ZSWIM8: variants seen among roughly 807,000 people sequenced by gnomAD.
ZSWIM8 encodes zinc finger SWIM domain-containing protein 8.
Under a neutral mutation model 173.7 loss-of-function variants are expected in ZSWIM8, and 27 were observed. That is an observed-to-expected ratio of 0.16 (90% CI 0.11 to 0.21). The LOEUF is 0.21. Ranked by LOEUF, ZSWIM8 falls within the 10% of genes least tolerant of loss-of-function variation. The pLI is 1.00. For synonymous variants in ZSWIM8, 958 were observed against 962.0 expected (o/e 1.00, Z 0.08); for missense variants, 1,627 against 2,428.8 (o/e 0.67, Z 6.94).
At chr10:73,790,501 G>A (rs955745756) in intron 7 of ZSWIM8, among the ~76,000 whole-genome samples, 30 of 152,212 alleles carry the variant, frequency 2.0e-4, no homozygotes, top group Non-Finnish European at 7.3e-5. Flanking sequence ...CCTAGCAAGA[G>A]TTCCTTTTCT....
intron 1 of ZSWIM8, among the ~76,000 whole-genome samples, chr10:73,787,473 A>C (rs957661440): frequency 6.6e-6 from 1 of 152,174 alleles, no homozygotes; most frequent in Admixed American, 6.5e-5. Context: ...GATTGTTAAC[A>C]TATTGGTATC....
Position 73,801,698 on chromosome 10 carries a change from A to G in ZSWIM8, c.*179A>G, listed in dbSNP as rs1204208096. ...AAGATGTCTCACACCCTAGAAGCCT[A>G]GGGCTGGGGGAGACAGCCCTGTCTG... On this transcript the variant is annotated 3_prime_UTR_variant, in exon 26 of 26. Transcript: ENST00000604729. This position sits in a 1 kb window ranked among gnomAD's most constrained non-coding sequence, Gnocchi z 4.9. 1 of 1,533,358 alleles carries G rather than the reference A, an allele frequency of 6.5e-7. No homozygotes were observed. The highest frequency in any genetic ancestry group is 8.7e-7 in the Non-Finnish European group (1 of 1,145,836). The allele number at this position is 1,533,358 out of a possible 1,614,324, so 95.0% of individuals were successfully genotyped here. A position where few individuals can be genotyped will look rare whatever the true frequency, so the allele number is the denominator to read the frequency against.
chr10:73,793,806 A>C, intron 11 of ZSWIM8, 59 bp from the exon 12 acceptor site: 1 of 1,548,650 alleles, frequency 6.5e-7, no homozygotes, highest in Non-Finnish European at 8.7e-7. Flanking sequence ...GCATCCTTCT[A>C]CCTCCACCAA....
Position 73,785,724 on chromosome 10 carries a change from G to A in ZSWIM8, c.-155G>A, listed in dbSNP as rs1483828064. On this transcript the variant is annotated 5_prime_UTR_variant, in exon 1 of 26. Transcript: ENST00000604729. Reference sequence around the variant, plus strand: ...AGGCCCGGTCCCGTCTCTTTCCCAGGCCTGAGATTCTCGCCCGGCACGGCC... The same window carrying A: ...AGGCCCGGTCCCGTCTCTTTCCCAGACCTGAGATTCTCGCCCGGCACGGCC... The A allele has an allele frequency of 1.3e-6, 1 of 772,074 alleles. No individual in the cohort carries two copies. The allele number at this position is 772,074 out of a possible 1,614,324, so 47.8% of individuals were successfully genotyped here. A position where few individuals can be genotyped will look rare whatever the true frequency, so the allele number is the denominator to read the frequency against.
At chr10:73,787,587 C>G (rs186809526) in intron 1 of ZSWIM8, among the ~76,000 whole-genome samples, 1 of 152,148 alleles carries the variant, frequency 6.6e-6, no homozygotes, top group Non-Finnish European at 1.5e-5. Context: ...TGCGGTGGCT[C>G]GTGCCTGTAA....
rs907899289 is a variant in ZSWIM8 at position 73,798,461 on chromosome 10, T to C, written c.4176+8T>C. ...GTGCAGTGCAAGGAACAGGTATTTC[T>C]ACGGGCAATCTGGGAACCTCTTCTG... is the stretch of plus-strand genomic sequence containing the variant. On this transcript the variant is annotated splice_region_variant and intron_variant, in intron 20 of 25. Coordinates refer to ENST00000604729, the MANE Select transcript of ZSWIM8 (RefSeq NM_001367799.1). The C allele has an allele frequency of 6.2e-7, 1 of 1,608,982 alleles. No individual in the cohort carries two copies. The highest frequency in any genetic ancestry group is 1.3e-5 in the African/African-American group (1 of 74,980).
Position 73,792,489 on chromosome 10 carries a change from C to T in ZSWIM8, c.1950C>T (p.His650=), listed in dbSNP as rs370371569. The T allele has an allele frequency of 2.5e-5, 41 of 1,612,656 alleles. No homozygotes were observed. Among genetic ancestry groups the T allele is most frequent in the Admixed American group, 1.0e-4 (6 of 59,780 alleles). ...FPESPPPCPL[H]GGSRGPSTFL... ...AGAGCCCTCCACCCTGTCCTCTCCA[C>T]GGTGGCTCCCGAGGCCCTTCCACTT... is the stretch of plus-strand genomic sequence containing the variant. The change falls in exon 10 of 26, where the codon CAC becomes CAT. Residue 650 remains histidine, a synonymous_variant. Coordinates refer to ENST00000604729, the MANE Select transcript of ZSWIM8 (RefSeq NM_001367799.1). The surrounding 1 kb of genome is among the most constrained non-coding windows in gnomAD (Gnocchi z 4.3).
rs762975990 is a variant in ZSWIM8, at chr10:73,791,449, G to A, written c.1269G>A (p.Met423Ile). 6.2e-7 allele frequency: 1 copy of A among 1,613,350 alleles called. No homozygotes were observed. The highest frequency in any genetic ancestry group is 8.5e-7 in the Non-Finnish European group (1 of 1,179,430). The part of the protein sequence containing the change: ...AHACASMCDE[M>I]VTLWRLAVLD... ...CCTGTGCCAGCATGTGTGACGAGAT[G>A]GTCACACTGTGGAGGCTGGCCGTGC... Residue 423 changes from methionine to isoleucine, a missense_variant, in exon 9 of 26, where the codon ATG becomes ATA. Met to Ile is a conservative substitution (Grantham distance 10, BLOSUM62 1). Transcript: ENST00000604729. The surrounding 1 kb of genome is among the most constrained non-coding windows in gnomAD (Gnocchi z 6.0).
In ZSWIM8 at chr10:73,789,343, G is replaced by T; in HGVS notation, c.458-24G>T. The T allele has an allele frequency of 6.4e-7, 1 of 1,554,696 alleles. No individual in the cohort carries two copies. Among genetic ancestry groups the T allele is most frequent in the South Asian group, 1.2e-5 (1 of 80,912 alleles). On this transcript the variant is annotated intron_variant, in intron 3 of 25. Coordinates refer to ENST00000604729, the MANE Select transcript of ZSWIM8 (RefSeq NM_001367799.1). This position sits in a 1 kb window ranked among gnomAD's most constrained non-coding sequence, Gnocchi z 6.8. ...GACCCAGGTCCTGACAGCACTCCCT[G>T]ACCATGCCCCCATTTCTCCCCAGGG... is the stretch of plus-strand genomic sequence containing the variant.
chr10:73,794,136 T>C lies in ZSWIM8; in HGVS notation c.2626-11T>C. 3.1e-6 allele frequency: 5 copies of C among 1,613,836 alleles called. No homozygotes were observed. The highest frequency in any genetic ancestry group is 4.2e-6 in the Non-Finnish European group (5 of 1,179,790). The stretch of plus-strand genomic sequence containing the variant: ...CACACCAGAGGTCTGAGCTCCTTCC[T>C]GTGCCCTCAGGTGAAGCTGGCATAC... On this transcript the variant is annotated splice_polypyrimidine_tract_variant and intron_variant, in intron 12 of 25. Coordinates refer to ENST00000604729, the MANE Select transcript of ZSWIM8 (RefSeq NM_001367799.1).
rs1051217081 is a variant in ZSWIM8, at chr10:73,792,647, C to T, written c.2108C>T (p.Pro703Leu). Residue 703 changes from proline (P) to leucine (L), a missense_variant, in exon 10 of 26, where the codon CCT becomes CTT. Coordinates refer to ENST00000604729, the MANE Select transcript of ZSWIM8 (RefSeq NM_001367799.1). This position sits in a 1 kb window ranked among gnomAD's most constrained non-coding sequence, Gnocchi z 4.3. The stretch of plus-strand genomic sequence containing the variant: ...GATGTCTGTACCCAGGACGACCTCC[C>T]TTCTACAGATGAGAGTGGCAATGGG... ...PGDVCTQDDL[P>L]STDESGNGLP... 78 of 1,613,914 alleles carry T rather than the reference C, an allele frequency of 4.8e-5. No homozygotes were observed. The highest frequency in any genetic ancestry group is 6.5e-5 in the Non-Finnish European group (77 of 1,179,892).
In ZSWIM8 at chr10:73,796,982, C is replaced by T; in HGVS notation, c.3242C>T (p.Pro1081Leu). Residue 1081 changes from proline to leucine, a missense_variant, in exon 16 of 26, where the codon CCC (proline) becomes CTC (leucine). Coordinates refer to ENST00000604729, the MANE Select transcript of ZSWIM8 (RefSeq NM_001367799.1). ...AGTGTGGCAGGGGCTGGGCCAGGCC[C>T]CACTGAGGGCTTCACAGAGAAGAAT... is the stretch of plus-strand genomic sequence containing the variant. ...PGSVAGAGPG[P>L]TEGFTEKNVP... The T allele has an allele frequency of 6.2e-7, 1 of 1,612,560 alleles. No individual in the cohort carries two copies. Among genetic ancestry groups the T allele is most frequent in the Non-Finnish European group, 8.5e-7 (1 of 1,178,962 alleles).
intron 15 of ZSWIM8, 45 bp from the exon 16 acceptor site, chr10:73,796,729 C>T: frequency 6.2e-7 from 1 of 1,603,230 alleles, no homozygotes; most frequent in Admixed American, 1.7e-5. Flanking sequence ...AGCTAAAGGG[C>T]ATCCTGTCAC....
chr10:73,788,856 G>A (rs1415610794), intron 2 of ZSWIM8, 33 bp downstream of exon 2: 3 of 1,610,796 alleles, frequency 1.9e-6, no homozygotes, highest in Non-Finnish European at 1.7e-6. Flanking sequence ...GGGGAGCGGG[G>A]TCCTGATACT....
chr10:73,791,153 G>T lies in ZSWIM8; in HGVS notation c.1120G>T (p.Asp374Tyr). The T allele has an allele frequency of 1.9e-6, 3 of 1,611,844 alleles. No homozygotes were observed. In the South Asian group the frequency reaches 3.3e-5, roughly 18 times the overall value. Residue 374 changes from aspartate to tyrosine, a missense_variant, in exon 8 of 26, where the codon GAC becomes TAC. By Grantham distance (160) the Asp-to-Tyr change is radical (BLOSUM62 -3). Coordinates refer to ENST00000604729, the MANE Select transcript of ZSWIM8 (RefSeq NM_001367799.1). This position sits in a 1 kb window ranked among gnomAD's most constrained non-coding sequence, Gnocchi z 6.0. ...TGCCCCCTTGTTGGAAATCCTCACT[G>T]ACCAGTGCCTCACCTATGAACAGGT... Reference protein sequence around the residue: ...NAAPLLEILTDQCLTYEQITG... With the variant: ...NAAPLLEILTYQCLTYEQITG...
At chr10:73,796,515 T>A (rs542614322) in intron 15 of ZSWIM8, 1 of 531,774 alleles carries the variant, frequency 1.9e-6, no homozygotes, top group Non-Finnish European at 3.4e-6. Context: ...ATAAAGTCAT[T>A]CATTCACTTA....
Position 73,792,467 on chromosome 10 carries a change from G to A in ZSWIM8, c.1928G>A (p.Ser643Asn). 1.2e-6 allele frequency: 2 copies of A among 1,610,476 alleles called. No individual in the cohort carries two copies. The highest frequency in any genetic ancestry group is 1.7e-6 in the Non-Finnish European group (2 of 1,178,264). ...EASTFGGFPE[S>N]PPPCPLHGGS... is the part of the protein sequence containing the mutation. The stretch of plus-strand genomic sequence containing the variant: ...AGCACCTTCGGGGGATTCCCTGAGA[G>A]CCCTCCACCCTGTCCTCTCCACGGT... Residue 643 changes from serine (S) to asparagine (N), a missense_variant, in exon 10 of 26, where the codon AGC becomes AAC. Physicochemically the swap from Ser to Asn is conservative, Grantham distance 46. Transcript: ENST00000604729. This position sits in a 1 kb window ranked among gnomAD's most constrained non-coding sequence, Gnocchi z 4.3.
At position 73,800,822 on chromosome 10, in the gene ZSWIM8, C is replaced by G; in HGVS notation, c.5122+63C>G. 1 of 1,258,600 alleles carries G rather than the reference C, an allele frequency of 7.9e-7. No homozygotes were observed. Among genetic ancestry groups the G allele is most frequent in the South Asian group, 1.4e-5 (1 of 71,138 alleles). The allele number at this position is 1,258,600 out of a possible 1,614,324, so 78.0% of individuals were successfully genotyped here. Reference sequence around the variant, plus strand: ...CACCTGCTCTCCCCACCTTCCTTATCCCAGACCTCCTTCCTAGCTCTTGCT... The same window carrying G: ...CACCTGCTCTCCCCACCTTCCTTATGCCAGACCTCCTTCCTAGCTCTTGCT... On this transcript the variant is annotated intron_variant, in intron 24 of 25. Transcript: ENST00000604729. The surrounding 1 kb of genome is among the most constrained non-coding windows in gnomAD (Gnocchi z 4.1).
At chr10:73,786,658 G>A (rs1409636401) in intron 1 of ZSWIM8, 7 of 152,366 alleles carry the variant, frequency 4.6e-5, no homozygotes, top group Admixed American at 4.6e-4. Flanking sequence ...GGAAAATAGA[G>A]GTGAACTGGC....
Sources: gnomAD v4.1 joint callset for allele counts (sites outside exome capture counted in the v4.1 genomes callset) on GRCh38, gnomAD v4.1.1 for gene constraint, Gnocchi (gnomAD v3.1) non-coding constraint, MANE v1.5 for transcripts, NCBI Gene and HGNC (gene_info 2026-07-23, HGNC 2026-07-21) for gene names.